KLHL6: variants seen among roughly 807,000 people sequenced by gnomAD.
KLHL6 encodes the protein kelch like family member 6.
Under a neutral mutation model 58.6 loss-of-function variants are expected in KLHL6, and 41 were observed. The ratio of observed to expected loss-of-function variants is 0.70; its 90% CI spans 0.55 to 0.91. The LOEUF is 0.91. Among genes scored for constraint, KLHL6 ranks in the 40% least tolerant of loss-of-function variants. The pLI is 0.00. For synonymous variants in KLHL6, 338 were observed against 322.7 expected (o/e 1.05, Z -0.51); for missense variants, 714 against 805.6 (o/e 0.89, Z 1.38).
chr3:183,542,077 T>G (rs6800237), intron 1 of KLHL6, among the ~76,000 whole-genome samples: 120,507 of 151,968 alleles, frequency 0.79, 48,228 homozygotes, highest in East Asian at 0.98. Flanking sequence ...CTGCAGGCCC[T>G]CAGAGAGGAT....
At chr3:183,543,316 A>G (rs888781970) in intron 1 of KLHL6, among the ~76,000 whole-genome samples, 12 of 151,880 alleles carry the variant, frequency 7.9e-5, no homozygotes, top group Admixed American at 5.9e-4. Context: ...AGAGAGAGAT[A>G]ATACTATGCA....
chr3:183,543,620 T>C (rs1712624401), intron 1 of KLHL6, among the ~76,000 whole-genome samples: 1 of 151,614 alleles, frequency 6.6e-6, no homozygotes, highest in Admixed American at 6.6e-5. Context: ...CCAGGAGTTA[T>C]CCACTGGGCC....
At chr3:183,549,748 A>G (rs1177496152) in intron 1 of KLHL6, among the ~76,000 whole-genome samples, 1 of 152,160 alleles carries the variant, frequency 6.6e-6, no homozygotes, top group Non-Finnish European at 1.5e-5. Flanking sequence ...CAGATATCCA[A>G]AGACTACCAG....
At position 183,488,015 on chromosome 3, in the gene KLHL6, C is replaced by T. The variant is rs901223541; in HGVS notation, c.*3912G>A. The T allele has an allele frequency of 1.3e-5, 2 of 152,186 alleles. No individual in the cohort carries two copies. Among genetic ancestry groups the T allele is most frequent in the East Asian group, 1.9e-4 (1 of 5,202 alleles). The allele number at this position is 152,186 out of a possible 1,614,324, so 9.4% of individuals were successfully genotyped here. A position where few individuals can be genotyped will look rare whatever the true frequency, so the allele number is the denominator to read the frequency against. On this transcript the variant is annotated 3_prime_UTR_variant, in exon 7 of 7. Coordinates refer to ENST00000341319, the MANE Select transcript of KLHL6 (RefSeq NM_130446.4). ...AAGCTATACTTTACAGCTATAAGAA[C>T]GTGATATTTGTATTTCCCTGAGAGC...
chr3:183,489,645 T>C lies in KLHL6; in HGVS notation c.*2282A>G, dbSNP rs1717489841. The stretch of plus-strand genomic sequence containing the variant: ...TTCCTGATGGTTATTATAGTGCTCA[T>C]GAGTCAGCAATAGTTTGTTCTAAAA... On this transcript the variant is annotated 3_prime_UTR_variant, in exon 7 of 7. Coordinates refer to ENST00000341319, the MANE Select transcript of KLHL6 (RefSeq NM_130446.4). 1 of 152,220 alleles carries C rather than the reference T, an allele frequency of 6.6e-6. No homozygotes were observed. The highest frequency in any genetic ancestry group is 1.5e-5 in the Non-Finnish European group (1 of 68,042). 9.4% of individuals were successfully genotyped at this position (152,220 alleles called of 1,614,324 possible).
At chr3:183,497,965 G>C (rs1252340834) in intron 4 of KLHL6, among the ~76,000 whole-genome samples, 2 of 152,240 alleles carry the variant, frequency 1.3e-5, no homozygotes, top group Non-Finnish European at 2.9e-5. Flanking sequence ...GCCGGGCGCA[G>C]TGGCTCACGC....
intron 2 of KLHL6, among the ~76,000 whole-genome samples, chr3:183,509,096 G>A (rs887385634): frequency 1.3e-5 from 2 of 152,006 alleles, no homozygotes; most frequent in African/African-American, 4.8e-5. Context: ...ACATTACAAG[G>A]GGATAAAAGA....
At chr3:183,538,487 C>T (rs1050945844) in intron 1 of KLHL6, among the ~76,000 whole-genome samples, 2 of 152,146 alleles carry the variant, frequency 1.3e-5, no homozygotes, top group Non-Finnish European at 2.9e-5. Flanking sequence ...TTCTGTGTGG[C>T]GGTGGCTTTA....
intron 1 of KLHL6, among the ~76,000 whole-genome samples, chr3:183,550,457 C>T (rs927110869): frequency 2.6e-5 from 4 of 152,082 alleles, no homozygotes; most frequent in Non-Finnish European, 4.4e-5. Context: ...ACACACACCC[C>T]TCCAAGGCAC....
rs368708542 is a variant in KLHL6 at position 183,494,184 on chromosome 3, C to T, written c.1245G>A (p.Lys415=). 1 of 1,614,074 alleles carries T rather than the reference C, an allele frequency of 6.2e-7. No homozygotes were observed. Among genetic ancestry groups the T allele is most frequent in the Non-Finnish European group, 8.5e-7 (1 of 1,180,010 alleles). Residue 415 remains lysine, a synonymous_variant, in exon 5 of 7, where the codon AAG becomes AAA. Transcript: ENST00000341319. ...AGACCTTGCCACCCAACACCACCAT[C>T]TTATGCCTCCAGCGGCCTATGTTTA... ...EYLNIGRWRH[K]MVVLGGKVYV...
chr3:183,529,317 T>A (rs1560105129), intron 1 of KLHL6, among the ~76,000 whole-genome samples: 1 of 151,854 alleles, frequency 6.6e-6, no homozygotes, highest in Non-Finnish European at 1.5e-5. Context: ...AAAAGAGAGA[T>A]ATAGAGATTT....
chr3:183,547,320 A>G (rs1200143491), intron 1 of KLHL6, among the ~76,000 whole-genome samples: 1 of 152,236 alleles, frequency 6.6e-6, no homozygotes, highest in Non-Finnish European at 1.5e-5. Flanking sequence ...CATTTAAGAT[A>G]TGCTAATATC....
intron 1 of KLHL6, among the ~76,000 whole-genome samples, chr3:183,535,248 C>T (rs955032416): frequency 2.0e-5 from 3 of 152,096 alleles, no homozygotes; most frequent in Non-Finnish European, 1.5e-5. Flanking sequence ...CAGCCTTATG[C>T]GTATTTTATA....
At chr3:183,546,631 A>G (rs2108697249) in intron 1 of KLHL6, among the ~76,000 whole-genome samples, 1 of 152,354 alleles carries the variant, frequency 6.6e-6, no homozygotes, top group East Asian at 1.9e-4. Flanking sequence ...ACTATCATTT[A>G]CATAAATTCC....
At chr3:183,534,434 C>T (rs1712292391) in intron 1 of KLHL6, among the ~76,000 whole-genome samples, 1 of 152,126 alleles carries the variant, frequency 6.6e-6, no homozygotes, top group African/African-American at 2.4e-5. Context: ...GACAGAGTCT[C>T]ACTCTGTTGC....
At position 183,555,408 on chromosome 3, in the gene KLHL6, T is replaced by C. The variant is rs1193039107; in HGVS notation, c.246A>G (p.Glu82=). Reference sequence around the variant, plus strand: ...CAAGCACCACGCGGTGGCAGGAGAATTCCTGAATGTCCACACACAAGATGA... The same window carrying C: ...CAAGCACCACGCGGTGGCAGGAGAACTCCTGAATGTCCACACACAAGATGA... ...TDVILCVDIQ[E]FSCHRVVLAA... The change falls in exon 1 of 7, where the codon GAA becomes GAG. Residue 82 remains glutamate, a synonymous_variant. Coordinates refer to ENST00000341319, the MANE Select transcript of KLHL6 (RefSeq NM_130446.4). The C allele has an allele frequency of 6.2e-7, 1 of 1,614,158 alleles. No homozygotes were observed. Among genetic ancestry groups the C allele is most frequent in the Non-Finnish European group, 8.5e-7 (1 of 1,180,018 alleles).
At chr3:183,545,722 T>C (rs570257957) in intron 1 of KLHL6, among the ~76,000 whole-genome samples, 7 of 152,140 alleles carry the variant, frequency 4.6e-5, no homozygotes, top group Admixed American at 3.9e-4. Flanking sequence ...ACTGCAAGAG[T>C]CACATTGTAT....
At chr3:183,502,698 A>T (rs114470141) in intron 3 of KLHL6, among the ~76,000 whole-genome samples, 5 of 152,232 alleles carry the variant, frequency 3.3e-5, no homozygotes, top group Admixed American at 2.6e-4. Flanking sequence ...CTTGAATCTC[A>T]TAATGAACTT....
Position 183,492,675 on chromosome 3 carries a change from A to C in KLHL6, c.1383T>G (p.Phe461Leu). 6.2e-7 allele frequency: 1 copy of C among 1,613,860 alleles called. No homozygotes were observed. The highest frequency in any genetic ancestry group is 8.5e-7 in the Non-Finnish European group (1 of 1,180,018). The change falls in exon 6 of 7, where the codon TTT (phenylalanine) becomes TTG (leucine). Residue 461 changes from phenylalanine to leucine, a missense_variant. By Grantham distance (22) the Phe-to-Leu change is conservative. Coordinates refer to ENST00000341319, the MANE Select transcript of KLHL6 (RefSeq NM_130446.4). This position sits in a 1 kb window ranked among gnomAD's most constrained non-coding sequence, Gnocchi z 5.9. ...GCTTCTTCTTATGGCTGGTGGCTGC[A>C]AAGGAACTGACATGGACAAGGAGGG... is the stretch of plus-strand genomic sequence containing the variant. Reference protein sequence around the residue: ...AAPLLVHVSSFAATSHKKKLY... With the variant: ...AAPLLVHVSSLAATSHKKKLY...
Sources: gnomAD v4.1 joint callset for allele counts (sites outside exome capture counted in the v4.1 genomes callset) on GRCh38, gnomAD v4.1.1 for gene constraint, Gnocchi (gnomAD v3.1) non-coding constraint, MANE v1.5 for transcripts, NCBI Gene and HGNC (gene_info 2026-07-23, HGNC 2026-07-21) for gene names.